FSD1L: variants seen among roughly 807,000 people sequenced by gnomAD.
FSD1L encodes the protein fibronectin type III and SPRY domain containing 1 like.
A neutral mutation model predicts 71.6 loss-of-function variants in FSD1L; 45 were observed. The observed-to-expected ratio is 0.63, with a 90% CI of 0.49 to 0.81. The LOEUF (loss-of-function observed/expected upper bound fraction) is 0.81, where lower values mean the gene tolerates loss of function less well. FSD1L is among the 30% of genes least tolerant of loss of function. FSD1L has a pLI of 0.00. For synonymous variants in FSD1L, 197 were observed against 207.2 expected (o/e 0.95, Z 0.42); for missense variants, 561 against 618.1 (o/e 0.91, Z 0.98).
chr9:105,534,405 G>C (rs1323685571), intron 10 of FSD1L, 88 bp from the exon 11 acceptor site: 9 of 666,934 alleles, frequency 1.3e-5, no homozygotes, highest in Non-Finnish European at 2.0e-5. Context: ...AATCTTTTCA[G>C]AGGTTCCTTC....
At chr9:105,507,721 AT>A (rs1242648820) in intron 8 of FSD1L, among the ~76,000 whole-genome samples, 5 of 152,180 alleles carry the variant, frequency 3.3e-5, no homozygotes, top group Admixed American at 3.3e-4. Flanking sequence ...TGAATATGTT[AT>A]TGTAAATTGT....
intron 10 of FSD1L, chr9:105,522,170 A>G (rs1835212301): frequency 1.2e-6 from 2 of 1,613,898 alleles, no homozygotes; most frequent in African/African-American, 1.3e-5. Context: ...ACATCTCCCG[A>G]GAACTTTGGG....
Position 105,535,120 on chromosome 9 carries a change from G to A in FSD1L, c.1180G>A (p.Asp394Asn), listed in dbSNP as rs1836187394. 1 of 1,551,604 alleles carries A rather than the reference G, an allele frequency of 6.4e-7. No homozygotes were observed. The highest frequency in any genetic ancestry group is 8.7e-7 in the Non-Finnish European group (1 of 1,146,936). Residue 394 changes from aspartate to asparagine, a missense_variant, in exon 12 of 14, where the codon GAT becomes AAT. Physicochemically the swap from Asp to Asn is conservative, Grantham distance 23. Coordinates refer to ENST00000481272, the MANE Select transcript of FSD1L (RefSeq NM_001145313.3). ...QHYWEVKAQK[D>N]CKSYSVGVAY... Reference sequence around the variant, plus strand: ...TTATTGGGAGGTCAAGGCCCAGAAGGATTGTAAATCCTACAGTGTGGGAGT... The same window carrying A: ...TTATTGGGAGGTCAAGGCCCAGAAGAATTGTAAATCCTACAGTGTGGGAGT...
intron 10 of FSD1L, among the ~76,000 whole-genome samples, chr9:105,519,155 G>C (rs1834943392): frequency 6.6e-6 from 1 of 152,146 alleles, no homozygotes. Context: ...AATTGAGGCA[G>C]TAATTAATAG....
chr9:105,442,702 A>AG, the FSD1L span, among the ~76,000 whole-genome samples: 1 of 151,986 alleles, frequency 6.6e-6, no homozygotes, highest in Non-Finnish European at 1.5e-5. Flanking sequence ...AAAAAAAAAA[A>AG]AAGTTATTTC....
Position 105,457,529 on chromosome 9 carries a change from G to A in FSD1L, c.16-3991G>A, listed in dbSNP as rs144748863. ...TTGCTACAGTGAAGGTTGAGATATA[G>A]GTTGAGATATGATAGTAACTTTTAC... On this transcript the variant is annotated intron_variant, in intron 1 of 13. Transcript: ENST00000481272. 3.4e-3 allele frequency among the ~76,000 whole-genome samples: 521 copies of A among 152,336 alleles called. 5 individuals carry two copies. The highest frequency in any genetic ancestry group is 0.012 in the African/African-American group (490 of 41,564).
chr9:105,495,797 A>C (rs902292751), intron 7 of FSD1L, among the ~76,000 whole-genome samples: 1 of 152,144 alleles, frequency 6.6e-6, no homozygotes, highest in Non-Finnish European at 1.5e-5. Flanking sequence ...TAACATGGTG[A>C]AACCTCCTCT....
chr9:105,535,556 T>A (rs1349777599), intron 12 of FSD1L, among the ~76,000 whole-genome samples: 1 of 152,206 alleles, frequency 6.6e-6, no homozygotes, highest in Non-Finnish European at 1.5e-5. Context: ...AAGATTTTGC[T>A]AATTTTAGTC....
chr9:105,533,007 G>A (rs1835994862), intron 10 of FSD1L, among the ~76,000 whole-genome samples: 1 of 152,120 alleles, frequency 6.6e-6, no homozygotes, highest in East Asian at 1.9e-4. Flanking sequence ...TGCCATCAGG[G>A]ATTTCTAGTC....
intron 12 of FSD1L, among the ~76,000 whole-genome samples, chr9:105,537,439 A>AT (rs888502368): frequency 8.0e-5 from 12 of 150,150 alleles, no homozygotes; most frequent in East Asian, 2.0e-4. Context: ...ATTAGCACAC[A>AT]TTTTTTTTTC....
intron 7 of FSD1L, among the ~76,000 whole-genome samples, chr9:105,497,161 A>G (rs534544447): frequency 5.5e-4 from 84 of 152,200 alleles, no homozygotes; most frequent in African/African-American, 1.9e-3. Flanking sequence ...TGTTGATGTG[A>G]TGGGTTACAT....
intron 7 of FSD1L, among the ~76,000 whole-genome samples, chr9:105,504,096 C>T (rs1394820413): frequency 6.6e-6 from 1 of 152,196 alleles, no homozygotes; most frequent in Non-Finnish European, 1.5e-5. Flanking sequence ...ATTTATGACT[C>T]AGCAAAATTT....
intron 7 of FSD1L, among the ~76,000 whole-genome samples, chr9:105,493,184 C>T (rs2131761007): frequency 6.6e-6 from 1 of 152,160 alleles, no homozygotes; most frequent in African/African-American, 2.4e-5. Flanking sequence ...CTGGGTGCTC[C>T]TGTATTGGGT....
intron 10 of FSD1L, 22 bp downstream of exon 10, chr9:105,512,958 G>C: frequency 6.7e-7 from 1 of 1,493,896 alleles, no homozygotes; most frequent in African/African-American, 1.4e-5. Flanking sequence ...CATTAAATCT[G>C]CCATATGGAC....
chr9:105,488,539 C>T (rs770564509), intron 7 of FSD1L, among the ~76,000 whole-genome samples: 4 of 152,002 alleles, frequency 2.6e-5, no homozygotes, highest in East Asian at 1.9e-4. Context: ...GGATAAATGC[C>T]GATTACTGAA....
At chr9:105,508,270 C>T (rs1834186687) in intron 8 of FSD1L, among the ~76,000 whole-genome samples, 1 of 151,520 alleles carries the variant, frequency 6.6e-6, no homozygotes, top group Non-Finnish European at 1.5e-5. Flanking sequence ...CTCCGCCTCC[C>T]CGGTTCACTC....
intron 7 of FSD1L, among the ~76,000 whole-genome samples, chr9:105,487,718 AG>A (rs1290946863): frequency 6.6e-6 from 1 of 152,044 alleles, no homozygotes; most frequent in East Asian, 1.9e-4. Flanking sequence ...TTTTTTTCCT[AG>A]CAAAATTTTT....
chr9:105,455,805 C>T (rs922172005), intron 1 of FSD1L, among the ~76,000 whole-genome samples: 1 of 152,194 alleles, frequency 6.6e-6, no homozygotes, highest in Non-Finnish European at 1.5e-5. Flanking sequence ...CAGCACAGTG[C>T]CTGGCACATA....
chr9:105,450,797 A>G (rs1829947584), intron 1 of FSD1L, among the ~76,000 whole-genome samples: 2 of 152,114 alleles, frequency 1.3e-5, no homozygotes. Flanking sequence ...TTGGCCTCAC[A>G]AAGCGCTGCG....
Sources: allele counts gnomAD v4.1 joint callset (sites outside exome capture counted in the v4.1 genomes callset), GRCh38; gene constraint gnomAD v4.1.1; transcripts MANE v1.5; gene names NCBI Gene and HGNC (gene_info 2026-07-23, HGNC 2026-07-21).